Variants in PDZD2 observed in about 807,000 individuals in gnomAD.
PDZD2 encodes PDZ domain-containing protein 2.
PDZD2 carries 90 observed loss-of-function variants against 220.7 expected under a neutral mutation model. The ratio of observed to expected loss-of-function variants is 0.41; its 90% CI spans 0.34 to 0.49. The LOEUF is 0.49. Among genes scored for constraint, PDZD2 ranks in the 20% least tolerant of loss-of-function variants. The pLI, the probability that PDZD2 is intolerant of heterozygous loss-of-function variation, is 0.28. For missense variants in PDZD2, 3,174 were observed against 3,608.5 expected, an observed-to-expected ratio of 0.88 and a Z score of 3.08; for synonymous variants, 1,375 against 1,450.5, an observed-to-expected ratio of 0.95 and a Z score of 1.18.
At chr5:32,007,385 TAAAA>T (rs572413432) in intron 5 of PDZD2, among the ~76,000 whole-genome samples, 1 of 136,434 alleles carries the variant, frequency 7.3e-6, no homozygotes. Context: ...AGTTGGGATT[TAAAA>T]AAAAAAAAAA....
intron 6 of PDZD2, among the ~76,000 whole-genome samples, chr5:32,022,821 T>C (rs2112147460): frequency 6.6e-6 from 1 of 152,298 alleles, no homozygotes; most frequent in Admixed American, 6.5e-5. Flanking sequence ...TGACTTCTTT[T>C]GCAAGGAAAG....
At chr5:31,742,785 G>A (rs181548028) in intron 1 of PDZD2, among the ~76,000 whole-genome samples, 1 of 152,290 alleles carries the variant, frequency 6.6e-6, no homozygotes, top group African/African-American at 2.4e-5. Flanking sequence ...AAAAATGCTT[G>A]TGATACACTT....
chr5:32,067,085 C>T (rs1248672113), intron 14 of PDZD2, among the ~76,000 whole-genome samples: 1 of 152,212 alleles, frequency 6.6e-6, no homozygotes, highest in East Asian at 1.9e-4. Flanking sequence ...GCATTTCATG[C>T]CAATGGTACA....
chr5:31,797,094 A>ATTTTTTTT (rs756548601), intron 1 of PDZD2, among the ~76,000 whole-genome samples: 1 of 66,532 alleles, frequency 1.5e-5, no homozygotes, highest in Non-Finnish European at 2.5e-5. Context: ...CACCCAGCTA[A>ATTTTTTTT]TTTTTTTTTT....
At position 31,878,564 on chromosome 5, in the gene PDZD2, T is replaced by TTTTTTTTTTTTTTTTG. The variant is rs1739541750; in HGVS notation, c.476+78841_476+78856dup. ...GGTCAGATGACCTCGGCTTTTTTTT[T>TTTTTTTTTTTTTTTTG]TTTTTTTTTTTTTTTGAGACGGAGT... On this transcript the variant is annotated intron_variant, in intron 2 of 24. Coordinates refer to ENST00000438447, the MANE Select transcript of PDZD2 (RefSeq NM_178140.4). Among the ~76,000 whole-genome samples, 2 of 108,012 alleles carry TTTTTTTTTTTTTTTTG rather than the reference T, an allele frequency of 1.9e-5. 1 individual carries two copies. Among genetic ancestry groups the TTTTTTTTTTTTTTTTG allele is most frequent in the Non-Finnish European group, 3.9e-5 (2 of 51,466 alleles). 70.9% of individuals were successfully genotyped at this position (108,012 alleles called of 152,430 possible). A position where few individuals can be genotyped will look rare whatever the true frequency, so the allele number is the denominator to read the frequency against.
chr5:31,891,473 G>T (rs928942570), intron 2 of PDZD2, among the ~76,000 whole-genome samples: 1 of 152,146 alleles, frequency 6.6e-6, no homozygotes, highest in East Asian at 1.9e-4. Flanking sequence ...GTGCCACCAC[G>T]CCCAGCTAAT....
chr5:32,090,368 T>C lies in PDZD2; in HGVS notation c.6920T>C (p.Leu2307Pro), dbSNP rs773634452. Reference protein sequence around the residue: ...DIISVQETSCLVTDKIKVTRR... With the variant: ...DIISVQETSCPVTDKIKVTRR... ...ATTTCAGTCCAGGAGACGAGCTGCC[T>C]AGTCACAGACAAAATCAAAGTCACC... is the stretch of plus-strand genomic sequence containing the variant. Residue 2307 changes from leucine to proline, a missense_variant, in exon 20 of 25, where the codon CTA becomes CCA. Physicochemically the swap from Leu to Pro is moderately conservative, Grantham distance 98 (BLOSUM62 -3). Coordinates refer to ENST00000438447, the MANE Select transcript of PDZD2 (RefSeq NM_178140.4). This position sits in a 1 kb window ranked among gnomAD's most constrained non-coding sequence, Gnocchi z 4.3. 1.4e-5 allele frequency: 23 copies of C among 1,614,164 alleles called. No individual in the cohort carries two copies. Among genetic ancestry groups the C allele is most frequent in the Non-Finnish European group, 1.9e-5 (23 of 1,180,000 alleles).
intron 1 of PDZD2, among the ~76,000 whole-genome samples, chr5:31,791,986 C>T (rs1753756826): frequency 6.6e-6 from 1 of 152,204 alleles, no homozygotes; most frequent in African/African-American, 2.4e-5. Context: ...TTCTGCTCTT[C>T]CCTAAAGGAA....
At chr5:31,669,510 A>T (rs1319296412) in intron 1 of PDZD2, among the ~76,000 whole-genome samples, 1 of 151,702 alleles carries the variant, frequency 6.6e-6, no homozygotes, top group Non-Finnish European at 1.5e-5. Flanking sequence ...TCCCGTGTGG[A>T]TTGGCTCTTG....
At chr5:31,836,399 T>C (rs2150277320) in intron 2 of PDZD2, among the ~76,000 whole-genome samples, 1 of 152,138 alleles carries the variant, frequency 6.6e-6, no homozygotes, top group Middle Eastern at 3.4e-3. Context: ...ACCTGGCTAA[T>C]TTTTGTATTG....
chr5:32,029,945 G>C (rs1754992508), intron 6 of PDZD2, among the ~76,000 whole-genome samples: 1 of 152,200 alleles, frequency 6.6e-6, no homozygotes, highest in Non-Finnish European at 1.5e-5. Context: ...TGGAGTTCAC[G>C]ACCATGAACT....
chr5:31,759,426 A>G (rs780504006), intron 1 of PDZD2, among the ~76,000 whole-genome samples: 4 of 152,114 alleles, frequency 2.6e-5, no homozygotes. Flanking sequence ...AGAGGCCAAC[A>G]TGTGGCCCAT....
rs376964992 is a variant in PDZD2, at chr5:31,894,113, A to AT, written c.477-89041dup. 1.6e-3 allele frequency among the ~76,000 whole-genome samples: 198 copies of AT among 122,092 alleles called. 1 individual carries two copies. The highest frequency in any genetic ancestry group is 6.2e-3 in the African/African-American group (192 of 30,888). 80.1% of individuals were successfully genotyped at this position (122,092 alleles called of 152,430 possible). On this transcript the variant is annotated intron_variant, in intron 2 of 24. Transcript: ENST00000438447. ...TTTTTATTAGAGACAGGGTTTCACC[A>AT]TGTTGGCTAGGCTGGTCTTGAACTC... is the stretch of plus-strand genomic sequence containing the variant.
Position 31,646,399 on chromosome 5 carries a change from C to A in PDZD2, c.-361+6962C>A, listed in dbSNP as rs1380544759. Among the ~76,000 whole-genome samples the A allele has an allele frequency of 6.6e-6, 1 of 152,164 alleles. No individual in the cohort carries two copies. Among genetic ancestry groups the A allele is most frequent in the Non-Finnish European group, 1.5e-5 (1 of 68,036 alleles). ...GAACCTGACCCCTCCACGTCATGAA[C>A]ACTAAGTAGCTCCTGACACTGCTTA... On this transcript the variant is annotated intron_variant, in intron 1 of 24. Coordinates refer to ENST00000438447, the MANE Select transcript of PDZD2 (RefSeq NM_178140.4). This position sits in a 1 kb window ranked among gnomAD's most constrained non-coding sequence, Gnocchi z 4.7.
intron 1 of PDZD2, among the ~76,000 whole-genome samples, chr5:31,791,797 G>A (rs137924916): frequency 1.3e-5 from 2 of 152,146 alleles, no homozygotes; most frequent in East Asian, 1.9e-4. Flanking sequence ...AGTCCTTAAC[G>A]TCTGCTTCCT....
chr5:31,707,946 A>C (rs752296087), intron 1 of PDZD2, among the ~76,000 whole-genome samples: 7 of 152,170 alleles, frequency 4.6e-5, no homozygotes, highest in Non-Finnish European at 7.3e-5. Flanking sequence ...CAGTTTTAGA[A>C]GAGACTTGAA....
chr5:31,996,708 G>A (rs1380181572), intron 4 of PDZD2, among the ~76,000 whole-genome samples: 3 of 151,994 alleles, frequency 2.0e-5, no homozygotes, highest in East Asian at 1.9e-4. Context: ...ACTTCGTCTC[G>A]ATTAAAAAAT....
At position 32,090,590 on chromosome 5, in the gene PDZD2, G is replaced by C. The variant is rs758240702; in HGVS notation, c.7142G>C (p.Ser2381Thr). 10 of 1,613,924 alleles carry C rather than the reference G, an allele frequency of 6.2e-6. No homozygotes were observed. The highest frequency in any genetic ancestry group is 7.6e-6 in the Non-Finnish European group (9 of 1,180,016). ...RRSSGSIVSG[S>T]LGHPGDAAAR... ...TCTTCCGGCAGCATTGTTTCCGGGA[G>C]CCTGGGCCACCCAGGTGACGCAGCA... The change falls in exon 20 of 25, where the codon AGC becomes ACC. Residue 2381 changes from serine (S) to threonine (T), a missense_variant. Physicochemically the swap from Ser to Thr is moderately conservative, Grantham distance 58. Around this residue, in one of 4 missense-constraint regions of PDZD2, gnomAD observed 631 missense variants for 789.9 expected, o/e 0.80. Coordinates refer to ENST00000438447, the MANE Select transcript of PDZD2 (RefSeq NM_178140.4). This position sits in a 1 kb window ranked among gnomAD's most constrained non-coding sequence, Gnocchi z 4.3.
Position 31,861,562 on chromosome 5 carries a change from T to C in PDZD2, c.476+61838T>C, listed in dbSNP as rs577791637. On this transcript the variant is annotated intron_variant, in intron 2 of 24. Transcript: ENST00000438447. ...CATTTGGGGAAAAGGGGGAGTTCCT[T>C]GCTTTGGAGATTGCCGGCTGAACCC... Among the ~76,000 whole-genome samples the C allele has an allele frequency of 2.0e-5, 3 of 152,282 alleles. No homozygotes were observed. In the South Asian group the frequency reaches 6.2e-4, roughly 32 times the overall value.
Sources: allele counts gnomAD v4.1 joint callset (sites outside exome capture counted in the v4.1 genomes callset), GRCh38; gene constraint gnomAD v4.1.1; regional missense constraint gnomAD v4.1.1; non-coding constraint Gnocchi (gnomAD v3.1); transcripts MANE v1.5; gene names NCBI Gene and HGNC (gene_info 2026-07-23, HGNC 2026-07-21).